MYOT: variants seen among roughly 807,000 people sequenced by gnomAD.
MYOT encodes myotilin.
Under a neutral mutation model 58.0 loss-of-function variants are expected in MYOT, and 36 were observed. The observed-to-expected ratio is 0.62, with a 90% CI of 0.48 to 0.82. The LOEUF (loss-of-function observed/expected upper bound fraction) is 0.82. MYOT is among the 40% of genes least tolerant of loss of function. The pLI is 0.00. For synonymous variants in MYOT, 218 were observed against 204.6 expected (o/e 1.07, Z -0.56); for missense variants, 505 against 592.1 (o/e 0.85, Z 1.53).
chr5:137,883,437 T>A lies in MYOT; in HGVS notation c.870T>A (p.Val290=), dbSNP rs946857518. ...CATGGTATCTAAATGGAAGAACAGT[T>A]CAATCAGATGATTTGCACAAAATGA... ...DVSWYLNGRT[V]QSDDLHKMIV... is the part of the protein sequence containing the mutation. Residue 290 remains valine (V), a synonymous_variant, in exon 7 of 10, where the codon GTT becomes GTA. Transcript: ENST00000239926. 11 of 1,614,004 alleles carry A rather than the reference T, an allele frequency of 6.8e-6. No individual in the cohort carries two copies. The highest frequency in any genetic ancestry group is 6.7e-5 in the Admixed American group (4 of 59,992).
intron 4 of MYOT, among the ~76,000 whole-genome samples, chr5:137,879,373 C>T (rs1317663161): frequency 6.6e-6 from 1 of 152,092 alleles, no homozygotes; most frequent in African/African-American, 2.4e-5. Flanking sequence ...TTCATGAATT[C>T]GTTCATTCAA....
rs759151901 is a variant in MYOT at position 137,886,947 on chromosome 5, C to G, written c.1274C>G (p.Ala425Gly). The change falls in exon 9 of 10, where the codon GCA becomes GGA. Residue 425 changes from alanine (A) to glycine (G), a missense_variant. Physicochemically the swap from Ala to Gly is moderately conservative, Grantham distance 60. Coordinates refer to ENST00000239926, the MANE Select transcript of MYOT (RefSeq NM_006790.3). Reference protein sequence around the residue: ...KKDAGWYTVSAVNEAGVTTCN... With the variant: ...KKDAGWYTVSGVNEAGVTTCN... ...GATGCTGGGTGGTATACTGTGTCAGCAGTTAATGAAGCTGGAGTGACTACA... is the reference window on the plus strand; with the variant it reads ...GATGCTGGGTGGTATACTGTGTCAGGAGTTAATGAAGCTGGAGTGACTACA... 1.2e-6 allele frequency: 2 copies of G among 1,612,546 alleles called. No individual in the cohort carries two copies. Among genetic ancestry groups the G allele is most frequent in the South Asian group, 2.2e-5 (2 of 91,034 alleles).
chr5:137,887,590 G>T lies in MYOT; in HGVS notation c.*205G>T. ...ATTTGTGAAGCCTACAGGAAATCTG[G>T]GTATATGGATTTGTAACTGCAGAAG... On this transcript the variant is annotated 3_prime_UTR_variant, in exon 10 of 10. Transcript: ENST00000239926. The T allele has an allele frequency of 3.7e-6, 1 of 273,944 alleles. No homozygotes were observed. The highest frequency in any genetic ancestry group is 7.9e-5 in the East Asian group (1 of 12,712). The allele number at this position is 273,944 out of a possible 1,614,324, so 17.0% of individuals were successfully genotyped here. A position where few individuals can be genotyped will look rare whatever the true frequency, so the allele number is the denominator to read the frequency against.
chr5:137,875,973 C>G lies in MYOT; in HGVS notation c.501C>G (p.Cys167Trp). ...AAGATTTGGAAAGAAAGCTGAAATG[C>G]AAGGACACCCTTCTTCATAATGGAA... is the stretch of plus-strand genomic sequence containing the variant. Reference protein sequence around the residue: ...LIQDLERKLKCKDTLLHNGNQ... With the variant: ...LIQDLERKLKWKDTLLHNGNQ... Residue 167 changes from cysteine (C) to tryptophan (W), a missense_variant, in exon 3 of 10, where the codon TGC becomes TGG. Coordinates refer to ENST00000239926, the MANE Select transcript of MYOT (RefSeq NM_006790.3). 6.2e-7 allele frequency: 1 copy of G among 1,614,016 alleles called. No homozygotes were observed. Among genetic ancestry groups the G allele is most frequent in the Non-Finnish European group, 8.5e-7 (1 of 1,179,972 alleles).
chr5:137,870,952 T>C lies in MYOT; in HGVS notation c.301T>C (p.Leu101=). The part of the protein sequence containing the change: ...QSPASFLSSI[L]PSQPDYNSSK... The stretch of plus-strand genomic sequence containing the variant: ...CCCAGCCAGCTTCCTCAGCTCCATA[T>C]TACCATCACAGCCTGATTACAATAG... The change falls in exon 2 of 10, where the codon TTA becomes CTA. Residue 101 remains leucine (L), a synonymous_variant. Coordinates refer to ENST00000239926, the MANE Select transcript of MYOT (RefSeq NM_006790.3). The C allele has an allele frequency of 6.2e-7, 1 of 1,614,176 alleles. No individual in the cohort carries two copies. Among genetic ancestry groups the C allele is most frequent in the Non-Finnish European group, 8.5e-7 (1 of 1,180,026 alleles).
chr5:137,883,109 A>G, intron 6 of MYOT: 1 of 392,452 alleles, frequency 2.5e-6, no homozygotes, highest in Non-Finnish European at 4.7e-6. Context: ...ACATAAATTA[A>G]TGTTCTAAAT....
rs1390844278 is a variant in MYOT, at chr5:137,883,391, G to T, written c.824G>T (p.Gly275Val). The change falls in exon 7 of 10, where the codon GGA becomes GTA. Residue 275 changes from glycine (G) to valine (V), a missense_variant. Transcript: ENST00000239926. ...TTGTGTTTTTCTTTCTAGGTGAGTG[G>T]ACTGCCAGCTCCTGATGTGTCATGG... ...RFCRMDFKVS[G>V]LPAPDVSWYL... The T allele has an allele frequency of 1.2e-6, 2 of 1,613,926 alleles. No individual in the cohort carries two copies. The highest frequency in any genetic ancestry group is 2.2e-5 in the South Asian group (2 of 91,058).
intron 6 of MYOT, 143 bp from the exon 7 acceptor site, chr5:137,883,241 A>C: frequency 1.5e-6 from 1 of 683,028 alleles, no homozygotes; most frequent in South Asian, 1.7e-5. Flanking sequence ...TTAAAAAATT[A>C]TAAATACTTT....
chr5:137,876,135 T>G, intron 3 of MYOT, 132 bp downstream of exon 3: 1 of 941,142 alleles, frequency 1.1e-6, no homozygotes. Context: ...GAAGGAATAT[T>G]TGGGCCCTAT....
Position 137,886,148 on chromosome 5 carries a change from A to G in MYOT, c.1125A>G (p.Ile375Met). 1 of 1,612,514 alleles carries G rather than the reference A, an allele frequency of 6.2e-7. No individual in the cohort carries two copies. The highest frequency in any genetic ancestry group is 8.5e-7 in the Non-Finnish European group (1 of 1,178,816). Residue 375 changes from isoleucine to methionine, a missense_variant, in exon 8 of 10, where the codon ATA (isoleucine) becomes ATG (methionine). Coordinates refer to ENST00000239926, the MANE Select transcript of MYOT (RefSeq NM_006790.3). Reference protein sequence around the residue: ...SVKLECQISAIPPPKLFWKRN... With the variant: ...SVKLECQISAMPPPKLFWKRN... ...AACTAGAATGCCAGATCTCGGCTAT[A>G]CCTCCACCAAAGCTTTTCTGGAAAA... is the stretch of plus-strand genomic sequence containing the variant.
chr5:137,875,474 T>G (rs1237331651), intron 2 of MYOT, among the ~76,000 whole-genome samples: 2 of 152,102 alleles, frequency 1.3e-5, no homozygotes, highest in African/African-American at 4.8e-5. Flanking sequence ...CATGCACATG[T>G]ACTCCCAGAA....
At chr5:137,877,367 CAAAAAAAA>C (rs1172576383) in intron 3 of MYOT, among the ~76,000 whole-genome samples, 145 bp from the exon 4 acceptor site, 3 of 42,110 alleles carry the variant, frequency 7.1e-5, no homozygotes, top group Non-Finnish European at 1.1e-4. Context: ...GACTCCGTCT[CAAAAAAAA>C]AAAAAAAAAA....
Position 137,882,013 on chromosome 5 carries a change from G to C in MYOT, c.724G>C (p.Ala242Pro). ...TSRGDVNDQD[A>P]IQEKFYPPRF... The stretch of plus-strand genomic sequence containing the variant: ...AAGGGGAGATGTGAATGATCAGGAT[G>C]CAATCCAGGAGAAATTTTACCCACC... The change falls in exon 6 of 10, where the codon GCA (alanine) becomes CCA (proline). Residue 242 changes from alanine (A) to proline (P), a missense_variant. Coordinates refer to ENST00000239926, the MANE Select transcript of MYOT (RefSeq NM_006790.3). 1 of 1,614,044 alleles carries C rather than the reference G, an allele frequency of 6.2e-7. No individual in the cohort carries two copies. The highest frequency in any genetic ancestry group is 8.5e-7 in the Non-Finnish European group (1 of 1,179,868).
intron 9 of MYOT, 89 bp from the exon 10 acceptor site, chr5:137,887,124 T>C (rs1179888826): frequency 2.5e-6 from 4 of 1,580,888 alleles, no homozygotes; most frequent in Non-Finnish European, 3.5e-6. Context: ...TTGGTTCTTT[T>C]TTCTTTTCCT....
chr5:137,877,618 G>A lies in MYOT; in HGVS notation c.630G>A (p.Ser210=), dbSNP rs375308029. The A allele has an allele frequency of 6.4e-4, 1,023 of 1,607,142 alleles. 25 individuals are homozygous for A. The South Asian group carries it at 0.011, about 17-fold the overall frequency. The change falls in exon 4 of 10, where the codon TCG becomes TCA. Residue 210 remains serine (S), a synonymous_variant. Transcript: ENST00000239926. ...QAQDDSGAQD[S]QQHNSEHARL... Reference sequence around the variant, plus strand: ...AGGATGACAGTGGTGCACAAGACTCGCAGGTAAGTTAAAATGCTCTAAGTG... The same window carrying A: ...AGGATGACAGTGGTGCACAAGACTCACAGGTAAGTTAAAATGCTCTAAGTG...
chr5:137,878,849 T>C (rs1755320556), intron 4 of MYOT, among the ~76,000 whole-genome samples: 1 of 151,956 alleles, frequency 6.6e-6, no homozygotes, highest in African/African-American at 2.4e-5. Flanking sequence ...AGAAAAATGT[T>C]CAGTTGGACA....
chr5:137,879,964 T>C (rs561454250), intron 4 of MYOT, among the ~76,000 whole-genome samples: 9 of 152,130 alleles, frequency 5.9e-5, no homozygotes, highest in Non-Finnish European at 1.3e-4. Flanking sequence ...TGTTACAGAG[T>C]TGTAAGACTT....
chr5:137,872,826 G>A (rs910550788), intron 2 of MYOT, among the ~76,000 whole-genome samples: 4 of 152,118 alleles, frequency 2.6e-5, no homozygotes, highest in African/African-American at 9.7e-5. Flanking sequence ...GAACTCAATT[G>A]TTCCTTCCAA....
chr5:137,883,207 A>C, intron 6 of MYOT, 177 bp from the exon 7 acceptor site: 1 of 615,392 alleles, frequency 1.6e-6, no homozygotes, highest in Non-Finnish European at 2.9e-6. Flanking sequence ...GTTAATTTCA[A>C]GGATCTTATT....
Sources: gnomAD v4.1 joint callset for allele counts (sites outside exome capture counted in the v4.1 genomes callset) on GRCh38, gnomAD v4.1.1 for gene constraint, MANE v1.5 for transcripts, NCBI Gene and HGNC (gene_info 2026-07-23, HGNC 2026-07-21) for gene names.